RAB9B: variants seen among roughly 807,000 people sequenced by gnomAD.
RAB9B encodes RAB9B, member RAS oncogene family.
Under a neutral mutation model 8.9 loss-of-function variants are expected in RAB9B, and 1 was observed. That is an observed-to-expected ratio of 0.11 (90% CI 0.04 to 0.53). RAB9B has a LOEUF of 0.53. Ranked by LOEUF, RAB9B falls within the 20% of genes least tolerant of loss-of-function variation. The probability of loss-of-function intolerance (pLI) is 0.93; values close to 1 mark genes in which losing one functional copy is unlikely to be tolerated. For synonymous variants in RAB9B, 63 were observed against 57.0 expected (o/e 1.10, Z -0.47); for missense variants, 82 against 152.9 (o/e 0.54, Z 2.45).
the RAB9B span, among the ~76,000 whole-genome samples, chrX:103,801,041 T>G: frequency 8.9e-6 from 1 of 111,870 alleles, no homozygotes; most frequent in South Asian, 3.8e-4. Context: ...ATTTGGGGAT[T>G]ATTGCTTTAA....
chrX:103,811,822 A>T, the RAB9B span, among the ~76,000 whole-genome samples: 2 of 110,787 alleles, frequency 1.8e-5, no homozygotes, highest in African/African-American at 6.6e-5. Flanking sequence ...AACAACAGAA[A>T]TTTATTTCTC....
the RAB9B span, among the ~76,000 whole-genome samples, chrX:103,798,013 G>A: frequency 3.6e-5 from 4 of 110,856 alleles, no homozygotes; most frequent in Non-Finnish European, 5.7e-5. Context: ...AGGATCACCC[G>A]GGAGCTAGTT....
the RAB9B span, chrX:103,787,782 A>G: frequency 8.3e-7 from 1 of 1,198,160 alleles, no homozygotes; most frequent in East Asian, 3.0e-5. Flanking sequence ...TAACCACCCC[A>G]TGTCAATCAT....
chrX:103,813,689 G>T, the RAB9B span, among the ~76,000 whole-genome samples: 1 of 81,040 alleles, frequency 1.2e-5, no homozygotes, highest in Non-Finnish European at 2.2e-5. Flanking sequence ...ATGTGCAAAG[G>T]CAAACGTAAG....
Position 103,825,749 on chromosome X carries a change from G to A in RAB9B, c.36C>T (p.Leu12=), listed in dbSNP as rs778541533. ...SGKSLLLKVI[L]LGDGGVGKSS... The stretch of plus-strand genomic sequence containing the variant: ...TTTTCCCAACTCCACCATCACCCAA[G>A]AGAATGACCTTTAAGAGCAGGGATT... Residue 12 remains leucine (L), a synonymous_variant, in exon 3 of 3, where the codon CTC becomes CTT. Coordinates refer to ENST00000243298, the MANE Select transcript of RAB9B (RefSeq NM_016370.4). 12 of 1,197,881 alleles carry A rather than the reference G, an allele frequency of 1.0e-5. No individual in the cohort carries two copies. In the East Asian group the frequency reaches 3.6e-4, roughly 36 times the overall value.
At chrX:103,782,272 CT>C in the RAB9B span, among the ~76,000 whole-genome samples, 1 of 112,174 alleles carries the variant, frequency 8.9e-6, no homozygotes, top group Non-Finnish European at 1.9e-5. Flanking sequence ...ATAGATTTAT[CT>C]AAAGTCATTT....
At chrX:103,799,674 T>C in the RAB9B span, among the ~76,000 whole-genome samples, 3 of 112,218 alleles carry the variant, frequency 2.7e-5, no homozygotes, top group African/African-American at 9.7e-5. Context: ...AATAACGCTG[T>C]TTTAAAATTT....
the RAB9B span, among the ~76,000 whole-genome samples, chrX:103,803,836 A>G: frequency 8.9e-6 from 1 of 112,520 alleles, no homozygotes; most frequent in Non-Finnish European, 1.9e-5. Context: ...TCAGACTCCC[A>G]AAGTGCTGGG....
chrX:103,816,305 A>T, the RAB9B span, among the ~76,000 whole-genome samples: 1 of 111,756 alleles, frequency 8.9e-6, no homozygotes, highest in East Asian at 2.8e-4. Context: ...ATCTTTGGCA[A>T]ACCTGACAAA....
the RAB9B span, among the ~76,000 whole-genome samples, chrX:103,816,003 G>A: frequency 2.1e-4 from 23 of 111,715 alleles, no homozygotes; most frequent in South Asian, 2.3e-3. Flanking sequence ...TGGTCTTACC[G>A]CCCAAAGTAA....
Position 103,825,404 on chromosome X carries a change from G to T in RAB9B, c.381C>A (p.Asp127Glu), listed in dbSNP as rs2074679727. 8.3e-7 allele frequency: 1 copy of T among 1,209,858 alleles called. No homozygotes were observed. The highest frequency in any genetic ancestry group is 1.1e-6 in the Non-Finnish European group (1 of 895,236). ...FPFVVLGNKV[D>E]KEDRQVTTEE... Reference sequence around the variant, plus strand: ...CAGTAGTCACTTGCCTATCCTCTTTGTCTACCTTGTTACCCAGAACTACAA... The same window carrying T: ...CAGTAGTCACTTGCCTATCCTCTTTTTCTACCTTGTTACCCAGAACTACAA... Residue 127 changes from aspartate to glutamate, a missense_variant, in exon 3 of 3, where the codon GAC becomes GAA. Transcript: ENST00000243298.
At chrX:103,819,039 C>A (rs770962918), downstream of RAB9B, among the ~76,000 whole-genome samples, 1 of 111,305 alleles carries the variant, frequency 9.0e-6, no homozygotes, top group Non-Finnish European at 1.9e-5. Context: ...TATTACAGGA[C>A]ACACCCTTGG....
chrX:103,796,246 G>A, the RAB9B span, among the ~76,000 whole-genome samples: 1 of 112,147 alleles, frequency 8.9e-6, no homozygotes, highest in Non-Finnish European at 1.9e-5. Flanking sequence ...AGGCCAAAGA[G>A]GGCATATCAC....
At chrX:103,796,584 C>T in the RAB9B span, among the ~76,000 whole-genome samples, 114 of 110,955 alleles carry the variant, frequency 1.0e-3, 1 homozygote, top group African/African-American at 3.5e-3. Flanking sequence ...AAGTACTTTA[C>T]ACATCTCATT....
the RAB9B span, among the ~76,000 whole-genome samples, chrX:103,806,624 G>A: frequency 9.0e-6 from 1 of 111,604 alleles, no homozygotes; most frequent in African/African-American, 3.3e-5. Context: ...GGTATATAGT[G>A]TTATTCAAGT....
chrX:103,826,697 C>T (rs2074684561), intron 2 of RAB9B, among the ~76,000 whole-genome samples: 1 of 111,949 alleles, frequency 8.9e-6, no homozygotes, highest in African/African-American at 3.2e-5. Context: ...CAAATACTAC[C>T]TTTTCCTATA....
the RAB9B span, among the ~76,000 whole-genome samples, chrX:103,814,572 A>G: frequency 2.7e-5 from 3 of 111,537 alleles, no homozygotes; most frequent in Non-Finnish European, 3.8e-5. Flanking sequence ...GCAGAAGACA[A>G]GAAGTAACTA....
the RAB9B span, chrX:103,781,366 A>C: frequency 3.3e-6 from 1 of 304,030 alleles, no homozygotes; most frequent in Non-Finnish European, 6.5e-6. Flanking sequence ...GCTGGTGAGA[A>C]GGGCTTAAAG....
the RAB9B span, among the ~76,000 whole-genome samples, chrX:103,796,150 C>T: frequency 9.0e-6 from 1 of 111,722 alleles, no homozygotes; most frequent in African/African-American, 3.3e-5. Flanking sequence ...TGCTTTATGC[C>T]CTATTTGTCT....
Sources: gnomAD v4.1 joint callset for allele counts (sites outside exome capture counted in the v4.1 genomes callset) on GRCh38, gnomAD v4.1.1 for gene constraint, MANE v1.5 for transcripts, NCBI Gene and HGNC (gene_info 2026-07-23, HGNC 2026-07-21) for gene names.